KLHL32: variants seen among roughly 807,000 people sequenced by gnomAD.
KLHL32 encodes kelch-like protein 32.
Under a neutral mutation model 64.8 loss-of-function variants are expected in KLHL32, and 35 were observed. The ratio of observed to expected loss-of-function variants is 0.54; its 90% CI spans 0.41 to 0.72. The LOEUF (loss-of-function observed/expected upper bound fraction) is 0.72, where lower values mean the gene tolerates loss of function less well. Ranked by LOEUF, KLHL32 falls within the 30% of genes least tolerant of loss-of-function variation. The pLI is 0.00. For missense variants in KLHL32, 589 were observed against 768.5 expected (o/e 0.77, Z 2.76); for synonymous variants, 259 against 281.0 (o/e 0.92, Z 0.78).
At chr6:97,087,420 A>C (rs1438001373) in intron 6 of KLHL32, among the ~76,000 whole-genome samples, 2 of 152,192 alleles carry the variant, frequency 1.3e-5, no homozygotes, top group Non-Finnish European at 2.9e-5. Context: ...GCTTTATAGA[A>C]GTGAAACTTG....
At chr6:97,132,615 G>A (rs952085345) in intron 9 of KLHL32, 38 bp from the exon 10 acceptor site, 1 of 1,461,142 alleles carries the variant, frequency 6.8e-7, no homozygotes, top group South Asian at 1.2e-5. Flanking sequence ...TGTAAGAAAT[G>A]GATTTTTTTT....
chr6:97,132,888 T>C (rs13192999), intron 10 of KLHL32, 141 bp downstream of exon 10: 29,000 of 575,900 alleles, frequency 0.05, 1,426 homozygotes, highest in African/African-American at 0.2. Context: ...GTTCAGCCAC[T>C]AAACTTCATC....
At chr6:96,958,145 T>G (rs975754721) in intron 1 of KLHL32, among the ~76,000 whole-genome samples, 3 of 152,174 alleles carry the variant, frequency 2.0e-5, no homozygotes, top group African/African-American at 7.2e-5. Flanking sequence ...TGGGACAATA[T>G]GCAAAACATA....
At chr6:97,005,657 C>G (rs1051679933) in intron 3 of KLHL32, among the ~76,000 whole-genome samples, 1 of 152,060 alleles carries the variant, frequency 6.6e-6, no homozygotes, top group Non-Finnish European at 1.5e-5. Flanking sequence ...TTAGCTGTGT[C>G]CCAGAGATTC....
intron 1 of KLHL32, among the ~76,000 whole-genome samples, chr6:96,930,313 G>T (rs1390244654): frequency 6.6e-6 from 1 of 152,106 alleles, no homozygotes; most frequent in African/African-American, 2.4e-5. Flanking sequence ...AGGTAGCATG[G>T]CACAACCAGA....
chr6:97,069,108 T>C (rs1209515534), intron 5 of KLHL32, among the ~76,000 whole-genome samples: 3 of 152,348 alleles, frequency 2.0e-5, no homozygotes, highest in South Asian at 2.1e-4. Flanking sequence ...GGCATTGTTC[T>C]GTTTACAGCG....
intron 4 of KLHL32, among the ~76,000 whole-genome samples, chr6:97,050,739 A>T (rs973609578): frequency 6.6e-6 from 1 of 152,220 alleles, no homozygotes; most frequent in Non-Finnish European, 1.5e-5. Context: ...GCAGTGGCTC[A>T]TGCCTGTAAT....
the KLHL32 span, among the ~76,000 whole-genome samples, chr6:96,898,422 C>T: frequency 2.0e-5 from 3 of 152,200 alleles, no homozygotes; most frequent in Non-Finnish European, 2.9e-5. Context: ...CAGCCGCTCT[C>T]ATTTAAATGC....
intron 3 of KLHL32, among the ~76,000 whole-genome samples, chr6:97,007,907 G>A (rs1779868528): frequency 6.6e-6 from 1 of 152,190 alleles, no homozygotes; most frequent in Non-Finnish European, 1.5e-5. Context: ...CCCGATGAGG[G>A]CTGCCCACTA....
At chr6:96,991,593 GC>G (rs34982864) in intron 3 of KLHL32, among the ~76,000 whole-genome samples, 35,358 of 151,982 alleles carry the variant, frequency 0.23, 4,223 homozygotes, top group East Asian at 0.38. Context: ...GAGAGATCCT[GC>G]CCATTGAGGG....
At chr6:96,986,204 G>C (rs1218456026) in intron 3 of KLHL32, among the ~76,000 whole-genome samples, 1 of 152,196 alleles carries the variant, frequency 6.6e-6, no homozygotes, top group African/African-American at 2.4e-5. Context: ...GTGAACAGCA[G>C]ATGTTGCTGC....
At chr6:97,109,268 G>C (rs1796813497) in intron 6 of KLHL32, among the ~76,000 whole-genome samples, 1 of 152,180 alleles carries the variant, frequency 6.6e-6, no homozygotes. Context: ...CCAACAAGTA[G>C]GGATGACTTG....
chr6:97,050,588 T>A (rs547436898), intron 4 of KLHL32, among the ~76,000 whole-genome samples: 1 of 151,666 alleles, frequency 6.6e-6, no homozygotes, highest in Non-Finnish European at 1.5e-5. Context: ...CCATCCGGAG[T>A]GAAATAACAA....
At chr6:97,098,768 T>C (rs1360585717) in intron 6 of KLHL32, among the ~76,000 whole-genome samples, 1 of 152,178 alleles carries the variant, frequency 6.6e-6, no homozygotes, top group Non-Finnish European at 1.5e-5. Context: ...ACACCACAAA[T>C]GATTATTTTT....
chr6:96,996,274 A>G (rs1264634055), intron 3 of KLHL32, among the ~76,000 whole-genome samples: 1 of 152,216 alleles, frequency 6.6e-6, no homozygotes, highest in African/African-American at 2.4e-5. Flanking sequence ...CAAATATGAC[A>G]TTTTGGAAAA....
At chr6:96,956,360 C>G (rs532148745) in intron 1 of KLHL32, among the ~76,000 whole-genome samples, 1 of 152,228 alleles carries the variant, frequency 6.6e-6, no homozygotes, top group Non-Finnish European at 1.5e-5. Flanking sequence ...CACATAAGCA[C>G]TATTGGAGCC....
At chr6:97,082,636 AAAAG>A (rs951274929) in intron 5 of KLHL32, among the ~76,000 whole-genome samples, 1 of 151,942 alleles carries the variant, frequency 6.6e-6, no homozygotes, top group Non-Finnish European at 1.5e-5. Context: ...TAAATAAATA[AAAAG>A]AAAGAAAAAA....
At chr6:96,937,918 G>A (rs1770810274) in intron 1 of KLHL32, among the ~76,000 whole-genome samples, 1 of 152,116 alleles carries the variant, frequency 6.6e-6, no homozygotes, top group Non-Finnish European at 1.5e-5. Flanking sequence ...GTCTCAAAAA[G>A]CATTTCTCCA....
chr6:97,138,341 G>T (rs969896217), intron 10 of KLHL32, among the ~76,000 whole-genome samples: 2 of 152,046 alleles, frequency 1.3e-5, no homozygotes, highest in Non-Finnish European at 2.9e-5. Flanking sequence ...GAGTTTGAGA[G>T]CAGGCTGCAC....
Sources: gnomAD v4.1 joint callset for allele counts (sites outside exome capture counted in the v4.1 genomes callset) on GRCh38, gnomAD v4.1.1 for gene constraint, MANE v1.5 for transcripts, NCBI Gene and HGNC (gene_info 2026-07-23, HGNC 2026-07-21) for gene names.